Variants in DOK6 observed in about 807,000 individuals in gnomAD.
DOK6 encodes docking protein 6.
Under a neutral mutation model 44.0 loss-of-function variants are expected in DOK6, and 22 were observed. The ratio of observed to expected loss-of-function variants is 0.50; its 90% CI spans 0.36 to 0.71. The LOEUF is 0.71. Among genes scored for constraint, DOK6 ranks in the 30% least tolerant of loss-of-function variants. The probability of loss-of-function intolerance (pLI) is 0.00; values close to 1 mark genes in which losing one functional copy is unlikely to be tolerated. For missense variants in DOK6, 340 were observed against 416.4 expected, an observed-to-expected ratio of 0.82 and a Z score of 1.60; for synonymous variants, 166 against 145.5, an observed-to-expected ratio of 1.14 and a Z score of -1.01.
intron 1 of DOK6, among the ~76,000 whole-genome samples, chr18:69,492,327 A>G (rs897436968): frequency 6.6e-6 from 1 of 152,210 alleles, no homozygotes; most frequent in African/African-American, 2.4e-5. Context: ...TTGCTTCTGC[A>G]GAGACTGTAC....
At chr18:69,718,387 AG>A (rs902098012) in intron 5 of DOK6, among the ~76,000 whole-genome samples, 11 of 152,204 alleles carry the variant, frequency 7.2e-5, no homozygotes, top group African/African-American at 2.7e-4. Flanking sequence ...CTGAAAGATG[AG>A]GGAAACATAC....
In DOK6 at chr18:69,727,685, T is replaced by C. The variant is rs1457971970; in HGVS notation, c.600-11280T>C. Among the ~76,000 whole-genome samples, 4 of 152,092 alleles carry C rather than the reference T, an allele frequency of 2.6e-5. No individual in the cohort carries two copies. The East Asian group carries it at 7.7e-4, about 29-fold the overall frequency. ...CAATTAATTTTCACAGACAAGGGAG[T>C]AAAAGTTTTGCTATTTGAAATTGCA... On this transcript the variant is annotated intron_variant, in intron 5 of 7. Coordinates refer to ENST00000382713, the MANE Select transcript of DOK6 (RefSeq NM_152721.6).
chr18:69,735,004 G>A (rs1978555496), intron 5 of DOK6, among the ~76,000 whole-genome samples: 1 of 152,196 alleles, frequency 6.6e-6, no homozygotes, highest in South Asian at 2.1e-4. Flanking sequence ...CACGCACCAT[G>A]TTAGGGCTGA....
chr18:69,675,923 G>GT (rs1345838412), intron 3 of DOK6, among the ~76,000 whole-genome samples: 1 of 151,816 alleles, frequency 6.6e-6, no homozygotes, highest in Non-Finnish European at 1.5e-5. Context: ...AAAAAGTTTT[G>GT]TTTTTTGTTT....
In DOK6 at chr18:69,694,313, G is replaced by A. The variant is rs538513556; in HGVS notation, c.410-4091G>A. 1.4e-4 allele frequency among the ~76,000 whole-genome samples: 22 copies of A among 151,752 alleles called. No individual in the cohort carries two copies. The South Asian group carries it at 4.6e-3, about 31-fold the overall frequency. On this transcript the variant is annotated intron_variant, in intron 4 of 7. Transcript: ENST00000382713. ...TTGCAGCCTTACCCCTGTATCTCAG[G>A]CCTTCCCTGGGCATGGTCTATTCCT...
chr18:69,627,597 C>T (rs753413287), intron 3 of DOK6, among the ~76,000 whole-genome samples: 18 of 152,024 alleles, frequency 1.2e-4, no homozygotes, highest in Non-Finnish European at 1.3e-4. Context: ...TGCAGGCGCC[C>T]GCCACCACAC....
intron 7 of DOK6, among the ~76,000 whole-genome samples, chr18:69,760,222 T>C (rs533627610): frequency 6.6e-6 from 1 of 152,310 alleles, no homozygotes; most frequent in East Asian, 1.9e-4. Flanking sequence ...TGCTAGTCCC[T>C]AATGGAATCA....
chr18:69,613,230 T>C (rs552096554), intron 3 of DOK6, among the ~76,000 whole-genome samples: 28 of 152,210 alleles, frequency 1.8e-4, no homozygotes, highest in African/African-American at 6.5e-4. Context: ...GATGTGAGAG[T>C]GAACAACCAG....
intron 7 of DOK6, among the ~76,000 whole-genome samples, chr18:69,770,898 T>C (rs1387461075): frequency 2.6e-5 from 4 of 152,020 alleles, no homozygotes; most frequent in Non-Finnish European, 2.9e-5. Flanking sequence ...TGCTGACATA[T>C]GGAGCCTCCC....
chr18:69,523,071 C>T (rs942819105), intron 1 of DOK6, among the ~76,000 whole-genome samples: 5 of 152,126 alleles, frequency 3.3e-5, no homozygotes, highest in African/African-American at 7.2e-5. Context: ...TTCTAGGCTT[C>T]GCCAGGGGAA....
At chr18:69,658,082 G>T (rs1463693090) in intron 3 of DOK6, among the ~76,000 whole-genome samples, 1 of 152,102 alleles carries the variant, frequency 6.6e-6, no homozygotes, top group Non-Finnish European at 1.5e-5. Context: ...CTACTGAGGA[G>T]CTGGGACTAG....
intron 3 of DOK6, among the ~76,000 whole-genome samples, chr18:69,655,355 T>G (rs1216891836): frequency 6.6e-6 from 1 of 152,130 alleles, no homozygotes; most frequent in Non-Finnish European, 1.5e-5. Context: ...AATAGAACTT[T>G]AAGATATTTT....
chr18:69,538,628 G>A (rs890713888), intron 1 of DOK6, among the ~76,000 whole-genome samples: 2 of 150,888 alleles, frequency 1.3e-5, no homozygotes, highest in Non-Finnish European at 2.9e-5. Flanking sequence ...AGCAATCTGA[G>A]CATCTAGGCC....
chr18:69,783,616 C>A (rs915606940), intron 7 of DOK6, among the ~76,000 whole-genome samples: 2 of 152,022 alleles, frequency 1.3e-5, no homozygotes, highest in African/African-American at 4.8e-5. Flanking sequence ...TTTCTAGAGA[C>A]AATTCAAGAT....
intron 1 of DOK6, among the ~76,000 whole-genome samples, chr18:69,465,043 A>G (rs1019076362): frequency 6.6e-6 from 1 of 152,174 alleles, no homozygotes; most frequent in Admixed American, 6.5e-5. Context: ...TGTTCATTCA[A>G]TTTAGTTCCA....
At chr18:69,409,105 T>C (rs1434741870) in intron 1 of DOK6, among the ~76,000 whole-genome samples, 2 of 151,994 alleles carry the variant, frequency 1.3e-5, no homozygotes, top group Admixed American at 1.3e-4. Context: ...AGATAGTGAG[T>C]TCTCACAAAA....
intron 5 of DOK6, among the ~76,000 whole-genome samples, chr18:69,732,486 TAGA>T (rs1410615745): frequency 1.2e-4 from 18 of 152,226 alleles, no homozygotes; most frequent in African/African-American, 3.9e-4. Flanking sequence ...TAAAGATAAA[TAGA>T]AGAGCATCTT....
intron 7 of DOK6, among the ~76,000 whole-genome samples, chr18:69,787,481 G>A (rs1177797472): frequency 6.6e-6 from 1 of 152,142 alleles, no homozygotes; most frequent in Non-Finnish European, 1.5e-5. Context: ...ACATTATAAG[G>A]AAGAATCATG....
chr18:69,588,098 A>G (rs904694532), intron 2 of DOK6, among the ~76,000 whole-genome samples: 3 of 152,204 alleles, frequency 2.0e-5, no homozygotes, highest in Non-Finnish European at 2.9e-5. Context: ...AAAGTGTACT[A>G]GCCTGAGAAC....
Sources: gnomAD v4.1 joint callset for allele counts (sites outside exome capture counted in the v4.1 genomes callset) on GRCh38, gnomAD v4.1.1 for gene constraint, MANE v1.5 for transcripts, NCBI Gene and HGNC (gene_info 2026-07-23, HGNC 2026-07-21) for gene names.